The following ANKRD44 variants were observed in gnomAD, a reference collection of about 807,000 sequenced individuals.
ANKRD44 encodes the protein ankyrin repeat domain 44, also known as serine/threonine-protein phosphatase 6 regulatory ankyrin repeat subunit B.
A neutral mutation model predicts 116.0 loss-of-function variants in ANKRD44; 35 were observed. That is an observed-to-expected ratio of 0.30 (90% confidence interval 0.23 to 0.40). The LOEUF is 0.40. Ranked by LOEUF, ANKRD44 falls within the 10% of genes least tolerant of loss-of-function variation. The probability of loss-of-function intolerance (pLI) is 1.00; values close to 1 mark genes in which losing one functional copy is unlikely to be tolerated. For synonymous variants in ANKRD44, 435 were observed against 461.8 expected (o/e 0.94, Z 0.74); for missense variants, 1,014 against 1,242.6 (o/e 0.82, Z 2.77).
At chr2:197,091,031 T>G (rs1287965522) in intron 10 of ANKRD44, among the ~76,000 whole-genome samples, 4 of 152,222 alleles carry the variant, frequency 2.6e-5, no homozygotes, top group African/African-American at 9.7e-5. Context: ...GAACCACAAG[T>G]GCAGATATAA....
intron 16 of ANKRD44, among the ~76,000 whole-genome samples, chr2:197,053,323 G>A (rs1037893617): frequency 3.9e-5 from 6 of 152,092 alleles, no homozygotes; most frequent in African/African-American, 1.4e-4. Context: ...GATCATAGGG[G>A]ATTTCTATTT....
At chr2:197,083,641 C>A in intron 13 of ANKRD44, 132 bp from the exon 14 acceptor site, 2 of 864,720 alleles carry the variant, frequency 2.3e-6, no homozygotes, top group South Asian at 2.5e-5. Flanking sequence ...AGGCCAAAGT[C>A]ATGCCTTCCT....
At chr2:197,232,875 A>G (rs1241610629) in intron 1 of ANKRD44, among the ~76,000 whole-genome samples, 1 of 152,248 alleles carries the variant, frequency 6.6e-6, no homozygotes, top group Non-Finnish European at 1.5e-5. Context: ...GCATTGATAC[A>G]TGCATGATAA....
chr2:197,234,879 G>C (rs1277505856), intron 1 of ANKRD44, among the ~76,000 whole-genome samples: 1 of 152,148 alleles, frequency 6.6e-6, no homozygotes, highest in Non-Finnish European at 1.5e-5. Flanking sequence ...TTCCCCACTA[G>C]TGATAAGCAT....
At position 197,125,939 on chromosome 2, in the gene ANKRD44, G is replaced by T. The variant is rs1456884016; in HGVS notation, c.360C>A (p.Val120=). 2 of 1,614,182 alleles carry T rather than the reference G, an allele frequency of 1.2e-6. No homozygotes were observed. The highest frequency in any genetic ancestry group is 1.7e-5 in the Admixed American group (1 of 60,014). ...PLHVAAANKA[V]KCAEVIIPLL... ...GGGGAATGATCACTTCTGCACATTT[G>T]ACAGCCTTGTTGGCTGCTGCCACAT... Residue 120 remains valine (V), a synonymous_variant, in exon 5 of 28, where the codon GTC becomes GTA. Transcript: ENST00000282272.
chr2:197,182,902 T>A (rs781272263), intron 2 of ANKRD44, among the ~76,000 whole-genome samples: 3 of 152,158 alleles, frequency 2.0e-5, no homozygotes, highest in Admixed American at 6.5e-5. Flanking sequence ...CTGTGGGAGT[T>A]GAGGGTAGAA....
At chr2:197,106,738 T>C (rs60517609) in intron 9 of ANKRD44, among the ~76,000 whole-genome samples, 8,367 of 150,166 alleles carry the variant, frequency 0.056, 816 homozygotes, top group African/African-American at 0.2. Flanking sequence ...TGCAGTGAGC[T>C]GAGATGGTGC....
intron 1 of ANKRD44, among the ~76,000 whole-genome samples, chr2:197,285,335 A>T (rs561115246): frequency 6.6e-6 from 1 of 152,252 alleles, no homozygotes; most frequent in Admixed American, 6.5e-5. Context: ...GCTACCTGTG[A>T]TACCCAGATC....
chr2:196,998,811 A>C (rs1356764821), intron 24 of ANKRD44, 96 bp downstream of exon 24: 2 of 1,500,884 alleles, frequency 1.3e-6, no homozygotes, highest in African/African-American at 2.8e-5. Context: ...GCCCTTTTCC[A>C]CGTGTATATA....
chr2:197,001,735 C>T lies in ANKRD44; in HGVS notation c.2435+18G>A, dbSNP rs1324304190. On this transcript the variant is annotated intron_variant, in intron 22 of 27. Coordinates refer to ENST00000282272, the MANE Select transcript of ANKRD44 (RefSeq NM_001195144.2). ...AATCATTAAAGCAACATCATTAACT[C>T]TCAGCGTTTCTACTTACATTGCACA... 6.4e-7 allele frequency: 1 copy of T among 1,573,550 alleles called. No individual in the cohort carries two copies. The highest frequency in any genetic ancestry group is 1.8e-5 in the Admixed American group (1 of 55,980).
chr2:197,278,306 GTT>G (rs35104018), intron 1 of ANKRD44, among the ~76,000 whole-genome samples: 1 of 151,606 alleles, frequency 6.6e-6, no homozygotes, highest in African/African-American at 2.4e-5. Context: ...CTTTTTTTCT[GTT>G]TTTTTTATTC....
chr2:197,274,018 T>TATATATATATAG (rs2083002836), intron 1 of ANKRD44, among the ~76,000 whole-genome samples: 1 of 70,978 alleles, frequency 1.4e-5, no homozygotes, highest in African/African-American at 4.9e-5. Flanking sequence ...TATATATATA[T>TATATATATATAG]ATATATATAT....
chr2:197,246,108 G>T (rs879317893), intron 1 of ANKRD44, among the ~76,000 whole-genome samples: 1 of 152,114 alleles, frequency 6.6e-6, no homozygotes, highest in Non-Finnish European at 1.5e-5. Context: ...GAAGACATGG[G>T]GTGACAGAGG....
At chr2:197,120,166 C>T (rs1420380199) in intron 8 of ANKRD44, among the ~76,000 whole-genome samples, 1 of 152,150 alleles carries the variant, frequency 6.6e-6, no homozygotes, top group Non-Finnish European at 1.5e-5. Flanking sequence ...CTCATGATTA[C>T]CTGAGTGCAT....
intron 1 of ANKRD44, among the ~76,000 whole-genome samples, chr2:197,276,656 ATAAT>A (rs1559211154): frequency 6.6e-6 from 1 of 152,180 alleles, no homozygotes; most frequent in Non-Finnish European, 1.5e-5. Context: ...CCTTTATATT[ATAAT>A]TAGAGTATTA....
At chr2:197,037,691 A>C (rs2076833385) in intron 16 of ANKRD44, among the ~76,000 whole-genome samples, 1 of 152,248 alleles carries the variant, frequency 6.6e-6, no homozygotes, top group Non-Finnish European at 1.5e-5. Flanking sequence ...TAATCTCAGC[A>C]CTTTGAGAGG....
chr2:197,187,568 G>A (rs1043145362), intron 1 of ANKRD44, among the ~76,000 whole-genome samples: 3 of 152,140 alleles, frequency 2.0e-5, no homozygotes, highest in Admixed American at 6.5e-5. Context: ...AAAAGAGGTC[G>A]TAAGGGTGTG....
At chr2:196,969,205 T>G (rs2075697132) in intron 21 of ANKRD44, among the ~76,000 whole-genome samples, 1 of 152,222 alleles carries the variant, frequency 6.6e-6, no homozygotes. Context: ...AAAATATACT[T>G]CAATATTTAT....
chr2:197,172,066 T>A (rs2080251072), intron 2 of ANKRD44, among the ~76,000 whole-genome samples: 1 of 150,928 alleles, frequency 6.6e-6, no homozygotes, highest in African/African-American at 2.4e-5. Flanking sequence ...AGTGGCATGA[T>A]CTTGGCTCAC....
Sources: allele counts gnomAD v4.1 joint callset (sites outside exome capture counted in the v4.1 genomes callset), GRCh38; gene constraint gnomAD v4.1.1; transcripts MANE v1.5; gene names NCBI Gene and HGNC (gene_info 2026-07-23, HGNC 2026-07-21).